TNS1: variants seen among roughly 807,000 people sequenced by gnomAD.
TNS1 encodes the protein tensin-1.
TNS1 carries 62 observed loss-of-function variants against 168.6 expected under a neutral mutation model. The observed-to-expected ratio is 0.37, with a 90% CI of 0.30 to 0.45. The LOEUF is 0.45. Ranked by LOEUF, TNS1 falls within the 20% of genes least tolerant of loss-of-function variation. TNS1 has a pLI of 1.00. For missense variants in TNS1, 2,240 were observed against 2,339.4 expected, an observed-to-expected ratio of 0.96 and a Z score of 0.88; for synonymous variants, 934 against 933.2, an observed-to-expected ratio of 1.00 and a Z score of -0.02.
intron 24 of TNS1, 85 bp from the exon 25 acceptor site, chr2:217,815,083 G>C: frequency 8.9e-7 from 1 of 1,121,296 alleles, no homozygotes; most frequent in Non-Finnish European, 1.3e-6. Context: ...CCCAGTGCTT[G>C]TGAATTTGAC....
intron 3 of TNS1, chr2:217,937,212 T>C (rs1262479924): frequency 1.1e-5 from 4 of 363,246 alleles, no homozygotes; most frequent in African/African-American, 6.4e-5. Flanking sequence ...CACTAGATCG[T>C]GTCTCCCGGT....
chr2:217,814,803 A>T, intron 25 of TNS1, 109 bp downstream of exon 25: 4 of 808,294 alleles, frequency 4.9e-6, no homozygotes, highest in Non-Finnish European at 6.1e-6. Flanking sequence ...CTCTGTGATG[A>T]CCCCCTGCTA....
intron 28 of TNS1, among the ~76,000 whole-genome samples, chr2:217,812,156 A>C (rs936451205): frequency 2.6e-5 from 4 of 152,212 alleles, no homozygotes; most frequent in African/African-American, 9.7e-5. Flanking sequence ...TGGCAAGTCC[A>C]TTTATGTATG....
chr2:217,818,697 T>C lies in TNS1; in HGVS notation c.3635A>G (p.Gln1212Arg). Residue 1212 changes from glutamine (Q) to arginine (R), a missense_variant, in exon 24 of 33, where the codon CAG becomes CGG. Coordinates refer to ENST00000682258, the MANE Select transcript of TNS1 (RefSeq NM_001387777.1). ...GCGGAAGCCAGACTCCAACAGAGGC[T>C]GGGTGGGCGTCCGGGGACCCTGGTC... ...SSDQGPRTPT[Q>R]PLLESGFRSG... 1 of 1,614,158 alleles carries C rather than the reference T, an allele frequency of 6.2e-7. No homozygotes were observed. The highest frequency in any genetic ancestry group is 1.1e-5 in the South Asian group (1 of 91,084).
chr2:217,882,185 G>C, intron 17 of TNS1, 161 bp downstream of exon 17: 1 of 578,986 alleles, frequency 1.7e-6, no homozygotes, highest in Non-Finnish European at 3.1e-6. Context: ...ACTGGTTCAT[G>C]TTTAGCTAGG....
At chr2:217,890,845 G>A (rs956400162) in intron 12 of TNS1, 117 bp downstream of exon 12, 34 of 1,125,180 alleles carry the variant, frequency 3.0e-5, no homozygotes, top group Middle Eastern at 2.1e-4. Flanking sequence ...GAAAACTTGC[G>A]CCTGGTACAC....
At chr2:217,898,821 T>C (rs1195603949) in intron 7 of TNS1, among the ~76,000 whole-genome samples, 1 of 152,162 alleles carries the variant, frequency 6.6e-6, no homozygotes, top group African/African-American at 2.4e-5. Flanking sequence ...GGGGCTCGCA[T>C]CTTTACATCT....
chr2:218,003,047 T>TC, upstream of TNS1: 2 of 390,226 alleles, frequency 5.1e-6, no homozygotes, highest in Admixed American at 2.7e-5. Flanking sequence ...CTCCTCCTCC[T>TC]CCCCCCACTC....
intron 3 of TNS1, among the ~76,000 whole-genome samples, chr2:217,963,173 A>G (rs1957541107): frequency 2.0e-5 from 3 of 152,188 alleles, no homozygotes. Context: ...GTTCAACCTG[A>G]GAGGTCCCGA....
chr2:217,928,771 C>A (rs1416800357), intron 3 of TNS1, among the ~76,000 whole-genome samples: 3 of 152,142 alleles, frequency 2.0e-5, no homozygotes, highest in Non-Finnish European at 4.4e-5. Flanking sequence ...CTGCCCACTG[C>A]TTCCTCTTCC....
chr2:217,860,223 C>T (rs1948656338), intron 18 of TNS1, among the ~76,000 whole-genome samples: 1 of 152,138 alleles, frequency 6.6e-6, no homozygotes, highest in Admixed American at 6.5e-5. Context: ...CAGCCCCTCG[C>T]CATTTTCAGC....
chr2:217,830,516 TC>T, intron 22 of TNS1: 1 of 1,131,930 alleles, frequency 8.8e-7, no homozygotes, highest in Admixed American at 2.4e-5. Context: ...CCTGTCTCCC[TC>T]CACCATAAGA....
Position 217,813,172 on chromosome 2 carries a change from A to G in TNS1, c.4954+43T>C. On this transcript the variant is annotated intron_variant, in intron 27 of 32. Coordinates refer to ENST00000682258, the MANE Select transcript of TNS1 (RefSeq NM_001387777.1). The surrounding 1 kb of genome is among the most constrained non-coding windows in gnomAD (Gnocchi z 4.0). ...TGGAGGAACCCAGGACAGGACCAAG[A>G]CTCAGGCCAGACTGTAGAGATGGGG... 1 of 1,485,290 alleles carries G rather than the reference A, an allele frequency of 6.7e-7. No individual in the cohort carries two copies. Among genetic ancestry groups the G allele is most frequent in the Non-Finnish European group, 9.3e-7 (1 of 1,076,954 alleles). The allele number at this position is 1,485,290 out of a possible 1,614,324, so 92.0% of individuals were successfully genotyped here.
chr2:217,972,758 G>A (rs556753039), intron 3 of TNS1, among the ~76,000 whole-genome samples: 28 of 152,350 alleles, frequency 1.8e-4, no homozygotes, highest in African/African-American at 6.7e-4. Flanking sequence ...ACAGGCTGCT[G>A]TTGTCAACTG....
chr2:217,919,927 C>T (rs1258097395), intron 4 of TNS1, among the ~76,000 whole-genome samples: 1 of 152,208 alleles, frequency 6.6e-6, no homozygotes, highest in Non-Finnish European at 1.5e-5. Flanking sequence ...CTGGCCAGGC[C>T]TGGAGACACA....
chr2:217,958,793 T>C (rs1010521283), intron 3 of TNS1, among the ~76,000 whole-genome samples: 4 of 152,100 alleles, frequency 2.6e-5, no homozygotes, highest in African/African-American at 9.7e-5. Context: ...CAGCAGATGG[T>C]GGGTGAGGTT....
intron 3 of TNS1, among the ~76,000 whole-genome samples, chr2:217,974,538 A>C (rs1957847770): frequency 6.6e-6 from 1 of 152,184 alleles, no homozygotes; most frequent in Non-Finnish European, 1.5e-5. Context: ...TCCGATGGGC[A>C]ATCAACACAT....
At chr2:217,845,954 GA>G (rs369016856) in intron 19 of TNS1, among the ~76,000 whole-genome samples, 69 of 152,252 alleles carry the variant, frequency 4.5e-4, no homozygotes, top group African/African-American at 1.6e-3. Flanking sequence ...AAAATATTGG[GA>G]GAGGAATTAA....
At chr2:217,861,437 A>G (rs1948776122) in intron 18 of TNS1, among the ~76,000 whole-genome samples, 1 of 152,212 alleles carries the variant, frequency 6.6e-6, no homozygotes, top group African/African-American at 2.4e-5. Flanking sequence ...GGGACCCACA[A>G]ACAGCCCATG....
Sources: gnomAD v4.1 joint callset for allele counts (sites outside exome capture counted in the v4.1 genomes callset) on GRCh38, gnomAD v4.1.1 for gene constraint, Gnocchi (gnomAD v3.1) non-coding constraint, MANE v1.5 for transcripts, NCBI Gene and HGNC (gene_info 2026-07-23, HGNC 2026-07-21) for gene names.